RALY: variants seen among roughly 807,000 people sequenced by gnomAD.
RALY encodes the protein RNA-binding protein Raly.
RALY carries 15 observed loss-of-function variants against 30.7 expected under a neutral mutation model. The ratio of observed to expected loss-of-function variants is 0.49; its 90% confidence interval spans 0.33 to 0.75. The LOEUF (loss-of-function observed/expected upper bound fraction) is 0.75, where lower values mean the gene tolerates loss of function less well. Ranked by LOEUF, RALY falls within the 30% of genes least tolerant of loss-of-function variation. The pLI, the probability that RALY is intolerant of heterozygous loss-of-function variation, is 0.02. For synonymous variants in RALY, 177 were observed against 170.8 expected, an observed-to-expected ratio of 1.04 and a Z score of -0.28; for missense variants, 339 against 414.3, an observed-to-expected ratio of 0.82 and a Z score of 1.58.
intron 6 of RALY, 147 bp from the exon 7 acceptor site, chr20:34,076,555 G>A (rs2033882930): frequency 6.0e-6 from 4 of 664,666 alleles, no homozygotes; most frequent in Non-Finnish European, 5.1e-6. Flanking sequence ...GGTAGTCTAA[G>A]GAGGAGACCT....
chr20:34,071,111 T>C (rs1195524517), intron 2 of RALY, among the ~76,000 whole-genome samples: 3 of 152,108 alleles, frequency 2.0e-5, no homozygotes, highest in East Asian at 3.9e-4. Flanking sequence ...TCAGTCACCA[T>C]GATCCAGTCA....
At chr20:34,056,168 A>G (rs529303730) in intron 2 of RALY, among the ~76,000 whole-genome samples, 1 of 152,274 alleles carries the variant, frequency 6.6e-6, no homozygotes, top group East Asian at 1.9e-4. Flanking sequence ...GTTACATCCT[A>G]GACTCTGGGC....
intron 2 of RALY, among the ~76,000 whole-genome samples, chr20:34,043,320 G>T (rs2032766531): frequency 6.6e-6 from 1 of 152,212 alleles, no homozygotes; most frequent in African/African-American, 2.4e-5. Context: ...GTTCTACTCA[G>T]AATAGGCAGC....
At chr20:34,072,421 C>T (rs1199129578) in intron 3 of RALY, 91 bp downstream of exon 3, 14 of 1,412,918 alleles carry the variant, frequency 9.9e-6, no homozygotes, top group Admixed American at 2.3e-5. Context: ...TTTCTCTCAC[C>T]GCTACCACTG....
chr20:34,031,468 T>G (rs1261340595), intron 1 of RALY, 54 bp from the exon 2 acceptor site: 3 of 152,192 alleles, frequency 2.0e-5, no homozygotes, highest in Non-Finnish European at 2.9e-5. Context: ...GAATTTTGAA[T>G]GCCTGCTGCC....
At chr20:34,070,295 GA>G (rs1367519759) in intron 2 of RALY, among the ~76,000 whole-genome samples, 6 of 152,210 alleles carry the variant, frequency 3.9e-5, no homozygotes, top group African/African-American at 1.2e-4. Context: ...CCAATGAGCA[GA>G]AGACTGGGCC....
intron 1 of RALY, among the ~76,000 whole-genome samples, chr20:34,015,349 C>CT (rs2031564346): frequency 6.7e-6 from 1 of 149,596 alleles, no homozygotes; most frequent in Admixed American, 6.6e-5. Flanking sequence ...TTTTTTAAAT[C>CT]TCCCCCTTTC....
chr20:34,060,204 T>C (rs913285525), intron 2 of RALY, among the ~76,000 whole-genome samples: 1 of 152,184 alleles, frequency 6.6e-6, no homozygotes, highest in Non-Finnish European at 1.5e-5. Flanking sequence ...CCTTCTCTTT[T>C]ATACTCACAT....
At chr20:34,058,881 G>A (rs1010367273) in intron 2 of RALY, among the ~76,000 whole-genome samples, 1 of 152,186 alleles carries the variant, frequency 6.6e-6, no homozygotes, top group African/African-American at 2.4e-5. Flanking sequence ...ATTCTTTATG[G>A]TGGGAAGCCC....
At chr20:34,024,054 G>A (rs2031928810) in intron 1 of RALY, among the ~76,000 whole-genome samples, 1 of 151,450 alleles carries the variant, frequency 6.6e-6, no homozygotes, top group Non-Finnish European at 1.5e-5. Context: ...GCCTGATTGG[G>A]AATAAGGAGA....
At chr20:33,995,147 A>G (rs547928450) in intron 1 of RALY, among the ~76,000 whole-genome samples, 3 of 152,206 alleles carry the variant, frequency 2.0e-5, no homozygotes, top group Non-Finnish European at 2.9e-5. Flanking sequence ...GTTGTCCACT[A>G]TACTGTGGAT....
intron 2 of RALY, among the ~76,000 whole-genome samples, chr20:34,035,294 C>T (rs142192754): frequency 6.6e-6 from 1 of 150,924 alleles, no homozygotes; most frequent in East Asian, 2.0e-4. Flanking sequence ...TTGGGTTCCT[C>T]TCGAAGGCTA....
At chr20:34,067,486 C>T (rs892997175) in intron 2 of RALY, among the ~76,000 whole-genome samples, 3 of 152,204 alleles carry the variant, frequency 2.0e-5, no homozygotes, top group African/African-American at 7.2e-5. Context: ...GTTACTGTGA[C>T]GGCTCTCTGG....
chr20:34,076,232 G>T, intron 6 of RALY, 192 bp downstream of exon 6: 1 of 733,814 alleles, frequency 1.4e-6, no homozygotes, highest in African/African-American at 1.8e-5. Flanking sequence ...GGTTGTGTTG[G>T]GCACAGAGAG....
intron 2 of RALY, among the ~76,000 whole-genome samples, chr20:34,045,014 A>G (rs1009495482): frequency 1.5e-4 from 23 of 152,008 alleles, no homozygotes; most frequent in African/African-American, 5.3e-4. Context: ...AGCTTAAGCA[A>G]TCCTCCCACC....
intron 1 of RALY, among the ~76,000 whole-genome samples, chr20:33,997,155 G>A (rs1478796902): frequency 6.6e-6 from 1 of 151,998 alleles, no homozygotes; most frequent in Non-Finnish European, 1.5e-5. Context: ...TCACTCCGTC[G>A]CCCAGGCTGG....
intron 1 of RALY, among the ~76,000 whole-genome samples, chr20:34,012,179 G>A (rs767369490): frequency 6.6e-6 from 1 of 152,196 alleles, no homozygotes; most frequent in East Asian, 1.9e-4. Flanking sequence ...GGGCCATGGG[G>A]CAGTGGCTTC....
intron 2 of RALY, chr20:34,049,044 A>C (rs1164407398): frequency 6.6e-6 from 1 of 152,250 alleles, no homozygotes; most frequent in African/African-American, 2.4e-5. Flanking sequence ...TCCAAGTCTG[A>C]GAGATGGATA....
At chr20:34,076,584 A>G (rs2033883837) in intron 6 of RALY, 118 bp from the exon 7 acceptor site, 1 of 900,022 alleles carries the variant, frequency 1.1e-6, no homozygotes, top group African/African-American at 1.7e-5. Flanking sequence ...AGCAGGGAAA[A>G]AACAAAACAA....
Sources: gnomAD v4.1 joint callset for allele counts (sites outside exome capture counted in the v4.1 genomes callset) on GRCh38, gnomAD v4.1.1 for gene constraint, MANE v1.5 for transcripts, NCBI Gene and HGNC (gene_info 2026-07-23, HGNC 2026-07-21) for gene names.